Variants in BACH2 observed in about 807,000 individuals in gnomAD.
The protein encoded by BACH2 is transcription regulator protein BACH2.
Under a neutral mutation model 61.8 loss-of-function variants are expected in BACH2, and 5 were observed. The ratio of observed to expected loss-of-function variants is 0.08; its 90% CI spans 0.04 to 0.17. The LOEUF is 0.17. Among genes scored for constraint, BACH2 ranks in the 10% least tolerant of loss-of-function variants. The pLI, the probability that BACH2 is intolerant of heterozygous loss-of-function variation, is 1.00. For missense variants in BACH2, 824 were observed against 1,091.1 expected (o/e 0.76, Z 3.45); for synonymous variants, 446 against 440.1 (o/e 1.01, Z -0.17).
At chr6:89,993,161 T>G (rs1424924023) in intron 6 of BACH2, among the ~76,000 whole-genome samples, 1 of 152,170 alleles carries the variant, frequency 6.6e-6, no homozygotes, top group Non-Finnish European at 1.5e-5. Context: ...AGAAAATGAA[T>G]TTCTGTTGTT....
At chr6:90,154,659 G>C (rs935724299) in intron 4 of BACH2, among the ~76,000 whole-genome samples, 1 of 152,178 alleles carries the variant, frequency 6.6e-6, no homozygotes, top group Non-Finnish European at 1.5e-5. Context: ...TGCACCTTCT[G>C]AATCTGGTGA....
chr6:90,144,208 G>T (rs1212698658), intron 4 of BACH2, among the ~76,000 whole-genome samples: 1 of 152,124 alleles, frequency 6.6e-6, no homozygotes, highest in African/African-American at 2.4e-5. Flanking sequence ...CTTGCCTTTT[G>T]GGAAAACCAC....
chr6:90,175,004 C>T (rs1312716656), intron 4 of BACH2, among the ~76,000 whole-genome samples: 2 of 151,346 alleles, frequency 1.3e-5, no homozygotes, highest in African/African-American at 4.8e-5. Flanking sequence ...GAGAGAGGTA[C>T]ATAAGGGTTT....
rs140313540 is a variant in BACH2 at position 90,007,586 on chromosome 6, C to T, written c.243+1016G>A. Among the ~76,000 whole-genome samples, 16 of 152,266 alleles carry T rather than the reference C, an allele frequency of 1.1e-4. No homozygotes were observed. The East Asian group carries it at 2.9e-3, about 28-fold the overall frequency. On this transcript the variant is annotated intron_variant, in intron 6 of 8. Transcript: ENST00000257749. ...ATATTATTTGCCAGGCCCCTGAAGGCGTCTGGTTTGTGACTTCTGTGATTT... is the reference window on the plus strand; with the variant it reads ...ATATTATTTGCCAGGCCCCTGAAGGTGTCTGGTTTGTGACTTCTGTGATTT...
chr6:90,214,801 G>A (rs1475677936), intron 3 of BACH2, among the ~76,000 whole-genome samples: 3 of 127,116 alleles, frequency 2.4e-5, no homozygotes, highest in South Asian at 5.3e-4. Flanking sequence ...TCACTCTGTC[G>A]CCCAGGCTGG....
chr6:90,018,946 A>G (rs1778227348), intron 5 of BACH2, among the ~76,000 whole-genome samples: 1 of 152,174 alleles, frequency 6.6e-6, no homozygotes, highest in Non-Finnish European at 1.5e-5. Context: ...AATATTTTCT[A>G]TTCTGGCTTC....
intron 4 of BACH2, among the ~76,000 whole-genome samples, chr6:90,198,695 CT>C (rs1415590490): frequency 6.6e-6 from 1 of 152,214 alleles, no homozygotes; most frequent in Non-Finnish European, 1.5e-5. Flanking sequence ...CTAGAGCTCA[CT>C]TTGAGGTGCT....
chr6:90,079,572 A>G (rs1310189323), intron 5 of BACH2, among the ~76,000 whole-genome samples: 3 of 152,200 alleles, frequency 2.0e-5, no homozygotes, highest in African/African-American at 4.8e-5. Flanking sequence ...CACACAACGC[A>G]AAAACTTGGT....
At chr6:89,957,936 T>C (rs760645176) in intron 6 of BACH2, among the ~76,000 whole-genome samples, 7 of 152,248 alleles carry the variant, frequency 4.6e-5, no homozygotes, top group Non-Finnish European at 7.3e-5. Flanking sequence ...TTTATACATA[T>C]ATCATTTCAT....
intron 4 of BACH2, among the ~76,000 whole-genome samples, chr6:90,162,222 T>A (rs1785217484): frequency 6.6e-6 from 1 of 152,242 alleles, no homozygotes; most frequent in African/African-American, 2.4e-5. Flanking sequence ...AATAAGTCAA[T>A]GAGCATAGGA....
At chr6:90,014,328 T>C (rs1055337668) in intron 5 of BACH2, among the ~76,000 whole-genome samples, 1 of 148,608 alleles carries the variant, frequency 6.7e-6, no homozygotes, top group African/African-American at 2.5e-5. Flanking sequence ...TCCTTAAATG[T>C]TTGGTAGAAT....
rs114744753 is a variant in BACH2, at chr6:90,151,900, C to T, written c.-162+54669G>A. ...CAATCTTGGTGAATGAATTCTTTTA[C>T]GATTTGTTAATTACTTTGTCCTTTT... On this transcript the variant is annotated intron_variant, in intron 4 of 8. Coordinates refer to ENST00000257749, the MANE Select transcript of BACH2 (RefSeq NM_021813.4). 5.4e-3 allele frequency among the ~76,000 whole-genome samples: 819 copies of T among 152,234 alleles called. 6 individuals are homozygous for T. Among genetic ancestry groups the T allele is most frequent in the African/African-American group, 0.017 (720 of 41,560 alleles).
intron 4 of BACH2, among the ~76,000 whole-genome samples, chr6:90,093,162 T>G (rs1486683701): frequency 6.6e-6 from 1 of 152,210 alleles, no homozygotes; most frequent in African/African-American, 2.4e-5. Context: ...AGGTATTTTA[T>G]AACTTTAACA....
At chr6:90,218,065 A>C (rs1769598965) in intron 3 of BACH2, 1 of 152,206 alleles carries the variant, frequency 6.6e-6, no homozygotes, top group African/African-American at 2.4e-5. Context: ...GGAAACCATT[A>C]ACTAAGAGTA....
chr6:90,124,924 C>A (rs900562162), intron 4 of BACH2, among the ~76,000 whole-genome samples: 45 of 152,292 alleles, frequency 3.0e-4, no homozygotes, highest in African/African-American at 1.0e-3. Flanking sequence ...TGGAATTTTT[C>A]TAATAATTTT....
intron 6 of BACH2, among the ~76,000 whole-genome samples, chr6:89,958,282 T>A (rs210057): frequency 0.12 from 18,962 of 152,238 alleles, 1,273 homozygotes; most frequent in African/African-American, 0.15. Context: ...TGTCCATCCA[T>A]ACTCATTTTT....
At chr6:90,169,328 A>T (rs977619632) in intron 4 of BACH2, among the ~76,000 whole-genome samples, 1 of 152,212 alleles carries the variant, frequency 6.6e-6, no homozygotes, top group East Asian at 1.9e-4. Flanking sequence ...GAAAAGTCTA[A>T]GCATAAACAA....
intron 3 of BACH2, among the ~76,000 whole-genome samples, chr6:90,227,912 T>C (rs1303887182): frequency 2.0e-5 from 3 of 152,228 alleles, no homozygotes; most frequent in Non-Finnish European, 4.4e-5. Flanking sequence ...ACCCAGTTTA[T>C]ACTTTTCATA....
At chr6:90,209,129 C>A (rs1487389887) in intron 3 of BACH2, among the ~76,000 whole-genome samples, 4 of 152,052 alleles carry the variant, frequency 2.6e-5, no homozygotes, top group Non-Finnish European at 4.4e-5. Flanking sequence ...GTGCAGCAAA[C>A]CAACGTGGCA....
Sources: gnomAD v4.1 joint callset for allele counts (sites outside exome capture counted in the v4.1 genomes callset) on GRCh38, gnomAD v4.1.1 for gene constraint, MANE v1.5 for transcripts, NCBI Gene and HGNC (gene_info 2026-07-23, HGNC 2026-07-21) for gene names.